The following UNC13A variants were observed in gnomAD, a reference collection of about 807,000 sequenced individuals.
The protein encoded by UNC13A is protein unc-13 homolog A.
A neutral mutation model predicts 219.7 loss-of-function variants in UNC13A; 61 were observed. That is an observed-to-expected ratio of 0.28 (90% confidence interval 0.23 to 0.34). The LOEUF (loss-of-function observed/expected upper bound fraction) is 0.34, where lower values mean the gene tolerates loss of function less well. Ranked by LOEUF, UNC13A falls within the 10% of genes least tolerant of loss-of-function variation. The pLI is 1.00. For synonymous variants in UNC13A, 920 were observed against 884.6 expected (o/e 1.04, Z -0.71); for missense variants, 1,476 against 2,270.3 (o/e 0.65, Z 7.11).
intron 26 of UNC13A, among the ~76,000 whole-genome samples, chr19:17,634,168 C>T (rs918223004): frequency 6.6e-6 from 1 of 152,090 alleles, no homozygotes; most frequent in East Asian, 1.9e-4. Flanking sequence ...ATTTATCTGT[C>T]CTTCCATCCA....
chr19:17,664,925 C>T (rs371237721), intron 7 of UNC13A, among the ~76,000 whole-genome samples: 1 of 152,136 alleles, frequency 6.6e-6, no homozygotes, highest in African/African-American at 2.4e-5. Context: ...AGGTGCCAGG[C>T]ATGGTGGCTC....
At position 17,637,136 on chromosome 19, in the gene UNC13A, G is replaced by C. The variant is rs538172417; in HGVS notation, c.3082-979C>G. Among the ~76,000 whole-genome samples, 8 of 151,778 alleles carry C rather than the reference G, an allele frequency of 5.3e-5. No individual in the cohort carries two copies. In the South Asian group the frequency reaches 1.7e-3, roughly 32 times the overall value. Reference sequence around the variant, plus strand: ...GGACTACAGGTGCGCCACCACACCTGGCTAATTTTTGTATATTTTGCAAAG... The same window carrying C: ...GGACTACAGGTGCGCCACCACACCTCGCTAATTTTTGTATATTTTGCAAAG... On this transcript the variant is annotated intron_variant, in intron 25 of 43. Transcript: ENST00000519716.
Position 17,652,529 on chromosome 19 carries a change from T to G in UNC13A, c.1439+102A>C, listed in dbSNP as rs141507944. On this transcript the variant is annotated intron_variant, in intron 12 of 43. Coordinates refer to ENST00000519716, the MANE Select transcript of UNC13A (RefSeq NM_001080421.3). Reference sequence around the variant, plus strand: ...AAGCTCAATCTGTCCCCTGTCTAAATGGAACCCCTCCTCCTCCTCTCTGGG... The same window carrying G: ...AAGCTCAATCTGTCCCCTGTCTAAAGGGAACCCCTCCTCCTCCTCTCTGGG... 3.4e-6 allele frequency: 5 copies of G among 1,476,036 alleles called. No homozygotes were observed. In the Admixed American group the frequency reaches 5.1e-5, roughly 15 times the overall value. The allele number at this position is 1,476,036 out of a possible 1,614,324, so 91.4% of individuals were successfully genotyped here.
chr19:17,645,397 T>C (rs1028703750), intron 19 of UNC13A, among the ~76,000 whole-genome samples: 1 of 152,114 alleles, frequency 6.6e-6, no homozygotes, highest in Admixed American at 6.5e-5. Flanking sequence ...TCCCAGTTCT[T>C]GCTTCTTGCC....
At position 17,605,697 on chromosome 19, in the gene UNC13A, G is replaced by A. The variant is rs1189364132; in HGVS notation, c.*357C>T. ...GTCCCATCTTATGGCTTTTCCAGGGGACATGAGGTGGTGCCTCCCGGTACC... is the reference window on the plus strand; with the variant it reads ...GTCCCATCTTATGGCTTTTCCAGGGAACATGAGGTGGTGCCTCCCGGTACC... On this transcript the variant is annotated 3_prime_UTR_variant, in exon 44 of 44. Transcript: ENST00000519716. 2 of 228,954 alleles carry A rather than the reference G, an allele frequency of 8.7e-6. No homozygotes were observed. Among genetic ancestry groups the A allele is most frequent in the Non-Finnish European group, 1.7e-5 (2 of 118,774 alleles). 14.2% of individuals were successfully genotyped at this position (228,954 alleles called of 1,614,324 possible).
intron 30 of UNC13A, among the ~76,000 whole-genome samples, 194 bp downstream of exon 30, chr19:17,629,950 CT>C (rs2076824241): frequency 5.9e-5 from 9 of 151,916 alleles, no homozygotes; most frequent in African/African-American, 2.2e-4. Flanking sequence ...CAAACCTCAA[CT>C]CCAACCTCAT....
Position 17,603,607 on chromosome 19 carries a change from A to C in UNC13A, c.*2447T>G, listed in dbSNP as rs1243786290. 1 of 152,228 alleles carries C rather than the reference A, an allele frequency of 6.6e-6. No individual in the cohort carries two copies. The highest frequency in any genetic ancestry group is 1.5e-5 in the Non-Finnish European group (1 of 68,050). 9.4% of individuals were successfully genotyped at this position (152,228 alleles called of 1,614,324 possible). On this transcript the variant is annotated 3_prime_UTR_variant, in exon 44 of 44. Coordinates refer to ENST00000519716, the MANE Select transcript of UNC13A (RefSeq NM_001080421.3). Reference sequence around the variant, plus strand: ...ATTTAAGGGACATGCAACATCTCCAAGCAAATTAGAAAGTGGCGCCACTTC... The same window carrying C: ...ATTTAAGGGACATGCAACATCTCCACGCAAATTAGAAAGTGGCGCCACTTC...
chr19:17,676,207 G>T, intron 1 of UNC13A, 166 bp from the exon 2 acceptor site: 1 of 779,772 alleles, frequency 1.3e-6, no homozygotes, highest in Non-Finnish European at 2.2e-6. Flanking sequence ...TGTTAAAAAA[G>T]AAAGATAGAA....
At chr19:17,663,189 G>A (rs1301350947) in intron 8 of UNC13A, among the ~76,000 whole-genome samples, 1 of 152,040 alleles carries the variant, frequency 6.6e-6, no homozygotes, top group Non-Finnish European at 1.5e-5. Flanking sequence ...AGGGGCTACA[G>A]GAGAGGAGGT....
At chr19:17,638,488 AT>A (rs964714734) in intron 25 of UNC13A, among the ~76,000 whole-genome samples, 18 of 151,224 alleles carry the variant, frequency 1.2e-4, no homozygotes, top group Non-Finnish European at 2.5e-4. Context: ...AATAAATTCA[AT>A]TCAACTCAAC....
In UNC13A at chr19:17,624,801, G is replaced by A. The variant is rs372600365; in HGVS notation, c.4197+28C>T. The A allele has an allele frequency of 2.9e-5, 47 of 1,597,024 alleles. No homozygotes were observed. In the African/African-American group the frequency reaches 4.3e-4, roughly 15 times the overall value. ...CTCTCGCCAGGGAGGTGGCCTAAAT[G>A]TCCCCTCGGGCCCCCTGCAGGTCTC... On this transcript the variant is annotated intron_variant, in intron 35 of 43. Transcript: ENST00000519716.
chr19:17,688,277 C>A lies in UNC13A; in HGVS notation c.-78G>T. The A allele has an allele frequency of 7.3e-7, 1 of 1,370,170 alleles. No individual in the cohort carries two copies. The highest frequency in any genetic ancestry group is 2.7e-4 in the Middle Eastern group (1 of 3,642). The allele number at this position is 1,370,170 out of a possible 1,614,324, so 84.9% of individuals were successfully genotyped here. On this transcript the variant is annotated 5_prime_UTR_variant, in exon 1 of 44. It removes an upstream start codon present in the reference 5' UTR. Transcript: ENST00000519716. ...GGGCTCAGCGGCCGCTGGGCTGGGG[C>A]ATCTCCCGGCTGCAGCCCGCGCTTG...
At position 17,674,759 on chromosome 19, in the gene UNC13A, G is replaced by A. The variant is rs1170127034; in HGVS notation, c.53-3C>T. The A allele has an allele frequency of 1.9e-6, 3 of 1,613,426 alleles. No homozygotes were observed. In the South Asian group the frequency reaches 3.3e-5, roughly 18 times the overall value. On this transcript the variant is annotated splice_polypyrimidine_tract_variant and splice_region_variant and intron_variant, in intron 2 of 43. Transcript: ENST00000519716. The surrounding 1 kb of genome is among the most constrained non-coding windows in gnomAD (Gnocchi z 5.0). ...GGTCACGTACGTGTTGAATTTCTCT[G>A]TGGCAGTGAGAGTAGGGGTCAGCGC...
intron 1 of UNC13A, among the ~76,000 whole-genome samples, chr19:17,687,714 G>T (rs981080584): frequency 6.6e-6 from 1 of 151,808 alleles, no homozygotes; most frequent in South Asian, 2.1e-4. Context: ...CCCTCCCACC[G>T]CACTCTCCTT....
intron 20 of UNC13A, 83 bp from the exon 21 acceptor site, chr19:17,641,639 A>C: frequency 7.2e-7 from 1 of 1,381,230 alleles, no homozygotes; most frequent in Non-Finnish European, 1.0e-6. Context: ...GGCAGCTTAC[A>C]TCATCCATCT....
chr19:17,663,992 T>A (rs2145886210), intron 7 of UNC13A, among the ~76,000 whole-genome samples: 1 of 150,794 alleles, frequency 6.6e-6, no homozygotes, highest in East Asian at 1.9e-4. Flanking sequence ...TTTCTTTTTG[T>A]TTTTTTGTGT....
chr19:17,606,684 G>C (rs895926297), intron 43 of UNC13A, among the ~76,000 whole-genome samples: 21 of 150,608 alleles, frequency 1.4e-4, no homozygotes, highest in Non-Finnish European at 3.0e-4. Flanking sequence ...TGAGATACCC[G>C]CGCCTGTGCC....
chr19:17,638,881 CT>C (rs2076938744), intron 25 of UNC13A, among the ~76,000 whole-genome samples: 2 of 151,998 alleles, frequency 1.3e-5, no homozygotes, highest in Non-Finnish European at 2.9e-5. Flanking sequence ...ACCAAATGTA[CT>C]GAGTGCCGAC....
rs1555777272 is a variant in UNC13A, at chr19:17,618,980, C to G, written c.4273-18G>C. On this transcript the variant is annotated intron_variant, in intron 38 of 43. Transcript: ENST00000519716. ...TGGGTTCCCTGCAGGTAACAACATA[C>G]AGCTGGGTGAGGGCAGGGGTGCTAC... The G allele has an allele frequency of 6.2e-7, 1 of 1,613,744 alleles. No individual in the cohort carries two copies. Among genetic ancestry groups the G allele is most frequent in the Non-Finnish European group, 8.5e-7 (1 of 1,179,676 alleles).
Sources: allele counts gnomAD v4.1 joint callset (sites outside exome capture counted in the v4.1 genomes callset), GRCh38; gene constraint gnomAD v4.1.1; non-coding constraint Gnocchi (gnomAD v3.1); transcripts MANE v1.5; gene names NCBI Gene and HGNC (gene_info 2026-07-23, HGNC 2026-07-21).